RIN2: variants seen among roughly 807,000 people sequenced by gnomAD.
RIN2 encodes the protein Ras and Rab interactor 2.
RIN2 carries 36 observed loss-of-function variants against 78.0 expected under a neutral mutation model. That is an observed-to-expected ratio of 0.46 (90% CI 0.35 to 0.61). The LOEUF (loss-of-function observed/expected upper bound fraction) is 0.61, where lower values mean the gene tolerates loss of function less well. RIN2 is among the 20% of genes least tolerant of loss of function. RIN2 has a pLI of 0.00. For synonymous variants in RIN2, 466 were observed against 466.8 expected, an observed-to-expected ratio of 1.00 and a Z score of 0.02; for missense variants, 1,087 against 1,159.7, an observed-to-expected ratio of 0.94 and a Z score of 0.91.
chr20:19,855,574 T>C (rs954832568), intron 2 of RIN2, among the ~76,000 whole-genome samples: 6 of 152,124 alleles, frequency 3.9e-5, no homozygotes, highest in Non-Finnish European at 8.8e-5. Flanking sequence ...CTTCTGACCA[T>C]GTAGTCATCA....
intron 2 of RIN2, chr20:19,871,962 C>T (rs1178915300): frequency 6.6e-6 from 1 of 152,112 alleles, no homozygotes; most frequent in African/African-American, 2.4e-5. Flanking sequence ...AGCCCATGAA[C>T]AGGGTGGGTG....
At chr20:19,782,105 C>T (rs1049106111) in intron 1 of RIN2, among the ~76,000 whole-genome samples, 4 of 152,136 alleles carry the variant, frequency 2.6e-5, no homozygotes, top group Admixed American at 1.3e-4. Flanking sequence ...AGGCCCGTAT[C>T]AGACAAAGAT....
intron 3 of RIN2, among the ~76,000 whole-genome samples, chr20:19,898,341 T>G (rs927183868): frequency 3.3e-5 from 5 of 152,192 alleles, no homozygotes; most frequent in Non-Finnish European, 7.3e-5. Flanking sequence ...CAGGCTTCCT[T>G]GTAGCTCTAA....
At chr20:19,838,321 T>C (rs1242412778) in intron 2 of RIN2, among the ~76,000 whole-genome samples, 1 of 152,206 alleles carries the variant, frequency 6.6e-6, no homozygotes, top group Non-Finnish European at 1.5e-5. Flanking sequence ...TTAAGAGTGA[T>C]GTTAATTTTA....
At chr20:19,795,003 T>TAA (rs1272924697) in intron 1 of RIN2, among the ~76,000 whole-genome samples, 2 of 152,234 alleles carry the variant, frequency 1.3e-5, no homozygotes, top group African/African-American at 4.8e-5. Context: ...ATGTAAGTTT[T>TAA]AAAAGAATTT....
intron 12 of RIN2, among the ~76,000 whole-genome samples, chr20:20,000,180 A>G (rs777193170): frequency 1.3e-5 from 2 of 152,214 alleles, no homozygotes; most frequent in Non-Finnish European, 2.9e-5. Flanking sequence ...TGAAAAGAAG[A>G]AAACAAAAAG....
intron 1 of RIN2, among the ~76,000 whole-genome samples, chr20:19,779,875 G>A (rs2034439406): frequency 6.6e-6 from 1 of 152,176 alleles, no homozygotes; most frequent in African/African-American, 2.4e-5. Context: ...CATGAAACCT[G>A]TGGTTTGCCT....
intron 4 of RIN2, among the ~76,000 whole-genome samples, chr20:19,950,564 T>G (rs949724330): frequency 6.6e-6 from 1 of 152,204 alleles, no homozygotes; most frequent in Non-Finnish European, 1.5e-5. Context: ...AGCTCATCAT[T>G]TGACACTTTC....
At chr20:19,928,707 G>T (rs549188010) in intron 3 of RIN2, among the ~76,000 whole-genome samples, 1 of 152,246 alleles carries the variant, frequency 6.6e-6, no homozygotes, top group South Asian at 2.1e-4. Context: ...GAACACCTCA[G>T]GCTTCTCAAG....
Position 19,794,728 on chromosome 20 carries a change from T to C in RIN2, c.-162-4894T>C, listed in dbSNP as rs144741316. On this transcript the variant is annotated intron_variant, in intron 1 of 12. Transcript: ENST00000255006. ...TTTTCTTCAACCTGTTATTACCTTG[T>C]AGGTTTTAATTTATAAATTTCTTTA... Among the ~76,000 whole-genome samples, 307 of 152,214 alleles carry C rather than the reference T, an allele frequency of 2.0e-3. 4 individuals carry two copies. Among genetic ancestry groups the C allele is most frequent in the East Asian group, 9.1e-3 (47 of 5,168 alleles).
At chr20:19,842,507 G>A (rs1390415366) in intron 2 of RIN2, among the ~76,000 whole-genome samples, 1 of 147,382 alleles carries the variant, frequency 6.8e-6, no homozygotes, top group African/African-American at 2.5e-5. Context: ...CTCCCAAAGT[G>A]CTGGGATTAC....
intron 2 of RIN2, among the ~76,000 whole-genome samples, chr20:19,847,175 C>G (rs1207587345): frequency 6.6e-6 from 1 of 152,146 alleles, no homozygotes; most frequent in East Asian, 1.9e-4. Context: ...TTGAGGGATG[C>G]TCATTGATTC....
intron 1 of RIN2, among the ~76,000 whole-genome samples, chr20:19,758,611 C>T (rs559702512): frequency 6.6e-6 from 1 of 152,268 alleles, no homozygotes; most frequent in Non-Finnish European, 1.5e-5. Context: ...CGGGTGTCCT[C>T]AGCTGACCTG....
At chr20:19,994,249 G>C (rs1341409794) in intron 11 of RIN2, among the ~76,000 whole-genome samples, 1 of 152,212 alleles carries the variant, frequency 6.6e-6, no homozygotes, top group Non-Finnish European at 1.5e-5. Context: ...GGTTGGCTGT[G>C]ATCACAGACC....
chr20:19,852,250 T>G lies in RIN2; in HGVS notation c.-36-37316T>G, dbSNP rs137893651. Among the ~76,000 whole-genome samples, 299 of 152,232 alleles carry G rather than the reference T, an allele frequency of 2.0e-3. 2 individuals are homozygous for G. Among genetic ancestry groups the G allele is most frequent in the African/African-American group, 6.9e-3 (286 of 41,538 alleles). ...TGTGGATAAATAGAAGGGTAAAGAA[T>G]TGAAGGTGGGTAACATGACCAAGGT... On this transcript the variant is annotated intron_variant, in intron 2 of 12. Coordinates refer to ENST00000255006, the MANE Select transcript of RIN2 (RefSeq NM_018993.4).
At chr20:19,932,694 T>G (rs2040486132) in intron 3 of RIN2, among the ~76,000 whole-genome samples, 1 of 152,046 alleles carries the variant, frequency 6.6e-6, no homozygotes, top group Non-Finnish European at 1.5e-5. Flanking sequence ...TCGACCTCTC[T>G]CCTTAGATAA....
chr20:19,764,925 T>G (rs867485031), intron 1 of RIN2, among the ~76,000 whole-genome samples: 28 of 114,444 alleles, frequency 2.4e-4, no homozygotes, highest in Non-Finnish European at 3.2e-4. Context: ...TGCGTTTTTT[T>G]TTTTTTTTTT....
chr20:19,810,876 G>GT (rs2035575630), intron 2 of RIN2, among the ~76,000 whole-genome samples: 1 of 133,434 alleles, frequency 7.5e-6, no homozygotes, highest in African/African-American at 3.2e-5. Context: ...GTGTGTGTGT[G>GT]TGTTTTTTTT....
chr20:19,823,467 A>C, intron 2 of RIN2: 1 of 792,374 alleles, frequency 1.3e-6, no homozygotes, highest in Non-Finnish European at 2.2e-6. Flanking sequence ...GGCATTCTAC[A>C]GCACCACTGT....
Sources: gnomAD v4.1 joint callset for allele counts (sites outside exome capture counted in the v4.1 genomes callset) on GRCh38, gnomAD v4.1.1 for gene constraint, MANE v1.5 for transcripts, NCBI Gene and HGNC (gene_info 2026-07-23, HGNC 2026-07-21) for gene names.